The following CADM2 variants were observed in gnomAD, a reference collection of about 807,000 sequenced individuals.
The protein encoded by CADM2 is cell adhesion molecule 2, also known as immunoglobulin superfamily member 4D.
In CADM2, 12 loss-of-function variants were observed where a neutral mutation model predicts 49.8. The ratio of observed to expected loss-of-function variants is 0.24; its 90% CI spans 0.15 to 0.39. The LOEUF (loss-of-function observed/expected upper bound fraction) is 0.39. CADM2 is among the 10% of genes least tolerant of loss of function. CADM2 has a pLI of 1.00. For missense variants in CADM2, 378 were observed against 492.3 expected (o/e 0.77, Z 2.20); for synonymous variants, 214 against 175.4 (o/e 1.22, Z -1.74).
At chr3:85,076,282 C>G (rs114361401) in intron 1 of CADM2, among the ~76,000 whole-genome samples, 1 of 144,238 alleles carries the variant, frequency 6.9e-6, no homozygotes, top group South Asian at 2.2e-4. Flanking sequence ...AACTACTAAC[C>G]ACCAAACTAT....
At chr3:85,624,528 T>C (rs2064068023) in intron 1 of CADM2, among the ~76,000 whole-genome samples, 1 of 152,062 alleles carries the variant, frequency 6.6e-6, no homozygotes, top group Admixed American at 6.6e-5. Context: ...AAGTGGGGTT[T>C]CACCATGTTG....
chr3:85,009,320 G>T (rs2033879693), intron 1 of CADM2, among the ~76,000 whole-genome samples: 1 of 152,166 alleles, frequency 6.6e-6, no homozygotes, highest in East Asian at 1.9e-4. Context: ...GTGGAAGATA[G>T]AAATTAAAAT....
chr3:85,636,080 T>C (rs1020418708), intron 1 of CADM2, among the ~76,000 whole-genome samples: 3 of 152,206 alleles, frequency 2.0e-5, no homozygotes, highest in Non-Finnish European at 4.4e-5. Context: ...TTTATCATTA[T>C]TGTAGATTGT....
At chr3:85,656,244 A>T (rs2065191973) in intron 1 of CADM2, among the ~76,000 whole-genome samples, 1 of 152,134 alleles carries the variant, frequency 6.6e-6, no homozygotes, top group Non-Finnish European at 1.5e-5. Context: ...TAAATAATAA[A>T]AGTTGAATAA....
At chr3:85,903,191 T>C (rs950794562) in intron 5 of CADM2, among the ~76,000 whole-genome samples, 3 of 152,172 alleles carry the variant, frequency 2.0e-5, no homozygotes, top group Non-Finnish European at 2.9e-5. Context: ...ATCATTAATT[T>C]TGTTTCCCTG....
intron 1 of CADM2, among the ~76,000 whole-genome samples, chr3:85,545,139 G>C (rs1242748679): frequency 6.6e-6 from 1 of 152,096 alleles, no homozygotes. Context: ...GGCTGGTATG[G>C]GACTAATAAT....
chr3:85,096,568 C>A (rs1425415732), intron 1 of CADM2, among the ~76,000 whole-genome samples: 1 of 151,896 alleles, frequency 6.6e-6, no homozygotes, highest in African/African-American at 2.4e-5. Flanking sequence ...ATTAACATAT[C>A]AGAATATTCG....
At chr3:85,250,643 C>T (rs2107859545) in intron 1 of CADM2, among the ~76,000 whole-genome samples, 1 of 151,568 alleles carries the variant, frequency 6.6e-6, no homozygotes, top group East Asian at 1.9e-4. Flanking sequence ...TTAATACATG[C>T]TACTAGTTAC....
intron 1 of CADM2, among the ~76,000 whole-genome samples, chr3:84,987,051 T>C (rs1416755773): frequency 6.6e-6 from 1 of 151,170 alleles, no homozygotes; most frequent in Non-Finnish European, 1.5e-5. Flanking sequence ...AAACTCCGTC[T>C]CAAAAACAAA....
intron 1 of CADM2, among the ~76,000 whole-genome samples, chr3:85,577,504 C>T (rs576227659): frequency 5.3e-5 from 8 of 152,258 alleles, no homozygotes; most frequent in Non-Finnish European, 1.0e-4. Flanking sequence ...GCCCCCTCAA[C>T]CTTGGTCTCC....
At chr3:85,456,157 CATT>C (rs1368657622) in intron 1 of CADM2, among the ~76,000 whole-genome samples, 2 of 152,118 alleles carry the variant, frequency 1.3e-5, no homozygotes, top group Non-Finnish European at 2.9e-5. Flanking sequence ...TGATTATAAG[CATT>C]TTGATAACAA....
chr3:85,867,590 A>T (rs2075771303), intron 3 of CADM2, among the ~76,000 whole-genome samples: 1 of 152,082 alleles, frequency 6.6e-6, no homozygotes. Context: ...AAATATGGAG[A>T]AGCTGTAATG....
intron 1 of CADM2, among the ~76,000 whole-genome samples, chr3:85,032,024 C>T (rs1021850945): frequency 6.6e-6 from 1 of 152,068 alleles, no homozygotes; most frequent in Non-Finnish European, 1.5e-5. Context: ...GTTAGATACT[C>T]ACTAATTATG....
chr3:85,314,440 G>A (rs2044418875), intron 1 of CADM2, among the ~76,000 whole-genome samples: 1 of 151,024 alleles, frequency 6.6e-6, no homozygotes, highest in Non-Finnish European at 1.5e-5. Context: ...TTCTTTCAAG[G>A]ATAAACTGTG....
In CADM2 at chr3:85,546,839, C is replaced by CAA. The variant is rs75187107; in HGVS notation, c.62-179677_62-179676dup. The stretch of plus-strand genomic sequence containing the variant: ...AATAATTCAAGAAGTAGTCGGCAGG[C>CAA]AAAAAAATATTTTGAGACATCTAAG... On this transcript the variant is annotated intron_variant, in intron 1 of 9. Coordinates refer to ENST00000383699, the MANE Select transcript of CADM2 (RefSeq NM_001167675.2). Among the ~76,000 whole-genome samples, 263 of 151,494 alleles carry CAA rather than the reference C, an allele frequency of 1.7e-3. 1 individual carries two copies. Among genetic ancestry groups the CAA allele is most frequent in the Admixed American group, 3.7e-3 (57 of 15,214 alleles).
At chr3:85,326,216 G>A (rs1214233009) in intron 1 of CADM2, among the ~76,000 whole-genome samples, 2 of 151,996 alleles carry the variant, frequency 1.3e-5, no homozygotes, top group Non-Finnish European at 2.9e-5. Flanking sequence ...TTCATTTCAA[G>A]TGTTTTGTGT....
chr3:85,143,413 A>C (rs1478264487), intron 1 of CADM2, among the ~76,000 whole-genome samples: 1 of 152,200 alleles, frequency 6.6e-6, no homozygotes, highest in East Asian at 1.9e-4. Flanking sequence ...ACTTGAGTCA[A>C]GGCTAACAGT....
chr3:85,625,252 G>A lies in CADM2; in HGVS notation c.62-101270G>A, dbSNP rs1576961178. On this transcript the variant is annotated intron_variant, in intron 1 of 9. Coordinates refer to ENST00000383699, the MANE Select transcript of CADM2 (RefSeq NM_001167675.2). The stretch of plus-strand genomic sequence containing the variant: ...ACTTAAATAATTTTGCAAGAATTTA[G>A]TATTAACTTTTTGCATATTATTTCC... Among the ~76,000 whole-genome samples, 5 of 152,112 alleles carry A rather than the reference G, an allele frequency of 3.3e-5. No homozygotes were observed. The South Asian group carries it at 1.0e-3, about 32-fold the overall frequency.
At chr3:86,060,656 A>G (rs998487739) in intron 8 of CADM2, among the ~76,000 whole-genome samples, 1 of 152,220 alleles carries the variant, frequency 6.6e-6, no homozygotes, top group African/African-American at 2.4e-5. Context: ...GCAGCATGAT[A>G]ACAGACTAAT....
Sources: gnomAD v4.1 joint callset for allele counts (sites outside exome capture counted in the v4.1 genomes callset) on GRCh38, gnomAD v4.1.1 for gene constraint, MANE v1.5 for transcripts, NCBI Gene and HGNC (gene_info 2026-07-23, HGNC 2026-07-21) for gene names.